Variants in POC1B observed in about 807,000 individuals in gnomAD.
POC1B encodes POC1 centriolar protein B, also known as POC1 centriolar protein homolog B.
Under a neutral mutation model 60.6 loss-of-function variants are expected in POC1B, and 44 were observed. The observed-to-expected ratio is 0.73, with a 90% CI of 0.57 to 0.93. The LOEUF (loss-of-function observed/expected upper bound fraction) is 0.93. POC1B is among the 40% of genes least tolerant of loss of function. The pLI, the probability that POC1B is intolerant of heterozygous loss-of-function variation, is 0.00. For missense variants in POC1B, 555 were observed against 572.3 expected, an observed-to-expected ratio of 0.97 and a Z score of 0.31; for synonymous variants, 180 against 198.9, an observed-to-expected ratio of 0.90 and a Z score of 0.80.
At chr12:89,438,904 A>C (rs1881391879) in intron 10 of POC1B, among the ~76,000 whole-genome samples, 1 of 152,224 alleles carries the variant, frequency 6.6e-6, no homozygotes, top group Non-Finnish European at 1.5e-5. Flanking sequence ...AAGGAACGTC[A>C]AACTCGGTAT....
At chr12:89,427,012 A>G (rs555744407) in intron 10 of POC1B, 1 of 152,322 alleles carries the variant, frequency 6.6e-6, no homozygotes, top group East Asian at 1.9e-4. Context: ...CCCTATCAAA[A>G]TCCCATTTGT....
At chr12:89,451,584 C>T (rs1168748699) in intron 10 of POC1B, among the ~76,000 whole-genome samples, 1 of 152,138 alleles carries the variant, frequency 6.6e-6, no homozygotes. Context: ...AATTGAAAGA[C>T]ATGGAAAGAA....
chr12:89,459,809 T>A, intron 9 of POC1B, 91 bp from the exon 10 acceptor site: 1 of 681,500 alleles, frequency 1.5e-6, no homozygotes. Context: ...TTTTCTAATA[T>A]ATTCTAAAAT....
chr12:89,425,471 C>G, intron 10 of POC1B, 92 bp from the exon 11 acceptor site: 1 of 960,878 alleles, frequency 1.0e-6, no homozygotes, highest in Non-Finnish European at 1.5e-6. Flanking sequence ...TTCTAAAAAG[C>G]CCAGGCTTAC....
At chr12:89,478,077 ACATTCATT>A (rs3990284) in intron 4 of POC1B, among the ~76,000 whole-genome samples, 19,333 of 148,914 alleles carry the variant, frequency 0.13, 2,004 homozygotes, top group East Asian at 0.56. Context: ...GCCCACAACC[ACATTCATT>A]CATTCATTCA....
At chr12:89,470,707 C>T (rs781079669) in intron 6 of POC1B, among the ~76,000 whole-genome samples, 2 of 152,106 alleles carry the variant, frequency 1.3e-5, no homozygotes, top group East Asian at 3.8e-4. Flanking sequence ...GACTGTGTCA[C>T]GGAAAGGTAA....
Position 89,491,964 on chromosome 12 carries a change from G to A in POC1B, c.424C>T (p.Arg142Ter), listed in dbSNP as rs756143769. The stretch of plus-strand genomic sequence containing the variant: ...GCACAGCGTACCCAGTGTGTATGTC[G>A]ATACAAGGAATACAGGAAGCGCTGG... Reference protein sequence around the residue: ...YRQRFLYSLYRHTHWVRCAKF... With the variant: ...YRQRFLYSLY Residue 142 changes from arginine (R) to a stop codon, truncating the protein, a stop_gained, in exon 4 of 12, where the codon CGA becomes TGA. Transcript: ENST00000313546. LOFTEE classifies it high-confidence loss of function. 8 of 1,577,516 alleles carry A rather than the reference G, an allele frequency of 5.1e-6. No individual in the cohort carries two copies. Among genetic ancestry groups the A allele is most frequent in the African/African-American group, 4.1e-5 (3 of 73,126 alleles).
chr12:89,432,636 G>A (rs1881085692), intron 10 of POC1B, among the ~76,000 whole-genome samples: 1 of 152,062 alleles, frequency 6.6e-6, no homozygotes, highest in Non-Finnish European at 1.5e-5. Context: ...GGGTTAGGAA[G>A]AAAAATAAAG....
intron 10 of POC1B, among the ~76,000 whole-genome samples, chr12:89,438,875 G>A (rs557339057): frequency 2.6e-5 from 4 of 152,318 alleles, no homozygotes; most frequent in African/African-American, 9.6e-5. Context: ...ATGTCTGATA[G>A]GTACTCCTGG....
intron 2 of POC1B, chr12:89,524,378 C>G (rs773552732): frequency 6.2e-7 from 1 of 1,614,052 alleles, no homozygotes; most frequent in Non-Finnish European, 8.5e-7. Flanking sequence ...CGAGACAAAT[C>G]CTCCGTATTT....
In POC1B at chr12:89,522,889, G is replaced by A. The variant is rs200159499; in HGVS notation, c.100+2231C>T. On this transcript the variant is annotated intron_variant, in intron 2 of 11. Transcript: ENST00000313546. ...CATTTGTACATCAGGTCGGCCCTCCGGTGTCCGATAAGCACTAAGACACAG... is the reference window on the plus strand; with the variant it reads ...CATTTGTACATCAGGTCGGCCCTCCAGTGTCCGATAAGCACTAAGACACAG... 1.1e-4 allele frequency: 171 copies of A among 1,613,416 alleles called. No individual in the cohort carries two copies. In the African/African-American group the frequency reaches 1.7e-3, roughly 16 times the overall value.
intron 4 of POC1B, among the ~76,000 whole-genome samples, chr12:89,480,870 G>T (rs978773705): frequency 6.6e-6 from 1 of 152,186 alleles, no homozygotes; most frequent in Non-Finnish European, 1.5e-5. Context: ...AAAATGCTGG[G>T]ATTACAGGCA....
the POC1B span, among the ~76,000 whole-genome samples, chr12:89,409,966 T>A: frequency 6.6e-6 from 1 of 152,160 alleles, no homozygotes; most frequent in African/African-American, 2.4e-5. Flanking sequence ...GAGGCCAGCA[T>A]CATCCTAATA....
At chr12:89,516,497 C>T (rs10745504) in intron 2 of POC1B, among the ~76,000 whole-genome samples, 109,065 of 152,028 alleles carry the variant, frequency 0.72, 39,239 homozygotes, top group Middle Eastern at 0.82. Flanking sequence ...AAGTGATTTC[C>T]CTACTAATAG....
At position 89,466,916 on chromosome 12, in the gene POC1B, A is replaced by G. The variant is rs1882707280; in HGVS notation, c.886T>C (p.Leu296=). ...ASGGADTQVL[L]WRTNFDELHC... ...AATTCATCAAAGTTAGTCCTCCATA[A>G]TAAGACCTATGAAAAAAGTCAATGA... The change falls in exon 9 of 12, where the codon TTA becomes CTA. Residue 296 remains leucine, a synonymous_variant. Coordinates refer to ENST00000313546, the MANE Select transcript of POC1B (RefSeq NM_172240.3). The G allele has an allele frequency of 1.9e-6, 3 of 1,608,810 alleles. No homozygotes were observed. Among genetic ancestry groups the G allele is most frequent in the South Asian group, 2.2e-5 (2 of 90,300 alleles).
intron 2 of POC1B, among the ~76,000 whole-genome samples, chr12:89,510,626 A>T (rs753739150): frequency 6.6e-6 from 1 of 152,240 alleles, no homozygotes; most frequent in South Asian, 2.1e-4. Flanking sequence ...TCTGTAGGTC[A>T]GTGCCTGAAA....
intron 10 of POC1B, among the ~76,000 whole-genome samples, chr12:89,450,536 A>G (rs1299012693): frequency 2.0e-5 from 3 of 152,132 alleles, no homozygotes; most frequent in Non-Finnish European, 4.4e-5. Context: ...AAAATTACCT[A>G]AGGATCAATT....
At chr12:89,519,218 T>C (rs568109798) in intron 2 of POC1B, among the ~76,000 whole-genome samples, 1 of 152,314 alleles carries the variant, frequency 6.6e-6, no homozygotes, top group Admixed American at 6.5e-5. Context: ...AATAAAATAA[T>C]GGTACTAACA....
At chr12:89,485,763 C>G (rs1868603678) in intron 4 of POC1B, among the ~76,000 whole-genome samples, 1 of 152,210 alleles carries the variant, frequency 6.6e-6, no homozygotes, top group African/African-American at 2.4e-5. Flanking sequence ...TAACTCTTCT[C>G]TGAAGAAATC....
Sources: allele counts gnomAD v4.1 joint callset (sites outside exome capture counted in the v4.1 genomes callset), GRCh38; gene constraint gnomAD v4.1.1; transcripts MANE v1.5; gene names NCBI Gene and HGNC (gene_info 2026-07-23, HGNC 2026-07-21).